ZBTB44: variants seen among roughly 807,000 people sequenced by gnomAD.
The protein encoded by ZBTB44 is zinc finger and BTB domain containing 44, also known as zinc finger and BTB domain-containing protein 44.
ZBTB44 carries 15 observed loss-of-function variants against 54.0 expected under a neutral mutation model. The observed-to-expected ratio is 0.28, with a 90% confidence interval of 0.19 to 0.43. The LOEUF (loss-of-function observed/expected upper bound fraction) is 0.43, where lower values mean the gene tolerates loss of function less well. Ranked by LOEUF, ZBTB44 falls within the 20% of genes least tolerant of loss-of-function variation. The pLI is 1.00. For synonymous variants in ZBTB44, 230 were observed against 250.1 expected, an observed-to-expected ratio of 0.92 and a Z score of 0.76; for missense variants, 487 against 707.1, an observed-to-expected ratio of 0.69 and a Z score of 3.53.
At position 130,230,912 on chromosome 11, in the gene ZBTB44, T is replaced by TA. The variant is rs1565638633; in HGVS notation, c.*851dup. ...AAGTACATCACACCTATTTGGTAGT[T>TA]AAAAAACTGAAAATAAAAGCTTGTA... On this transcript the variant is annotated 3_prime_UTR_variant, in exon 8 of 8. Transcript: ENST00000357899. 6.6e-6 allele frequency: 1 copy of TA among 152,078 alleles called. No individual in the cohort carries two copies. The highest frequency in any genetic ancestry group is 1.5e-5 in the Non-Finnish European group (1 of 67,940). 9.4% of individuals were successfully genotyped at this position (152,078 alleles called of 1,614,324 possible).
intron 1 of ZBTB44, among the ~76,000 whole-genome samples, chr11:130,271,393 T>G (rs1358208674): frequency 6.6e-6 from 1 of 152,172 alleles, no homozygotes; most frequent in Non-Finnish European, 1.5e-5. Flanking sequence ...TCTCAGGCAG[T>G]AAATGCCTTC....
chr11:130,283,035 C>CTTTTTTTTT (rs531030883), intron 1 of ZBTB44, among the ~76,000 whole-genome samples: 10 of 102,416 alleles, frequency 9.8e-5, no homozygotes, highest in Non-Finnish European at 1.7e-4. Flanking sequence ...CCATTCTAAC[C>CTTTTTTTTT]TTTTTTTTTT....
intron 2 of ZBTB44, among the ~76,000 whole-genome samples, chr11:130,249,010 A>T (rs1328477815): frequency 6.6e-6 from 1 of 152,174 alleles, no homozygotes; most frequent in Non-Finnish European, 1.5e-5. Flanking sequence ...AGGCTGAGGC[A>T]GGAGAATTGC....
At chr11:130,287,093 C>G (rs1941012975) in intron 1 of ZBTB44, among the ~76,000 whole-genome samples, 1 of 152,164 alleles carries the variant, frequency 6.6e-6, no homozygotes, top group African/African-American at 2.4e-5. Context: ...AAAACAAACT[C>G]AAATTATTAC....
At chr11:130,275,529 G>C (rs1489537982) in intron 1 of ZBTB44, among the ~76,000 whole-genome samples, 2 of 151,960 alleles carry the variant, frequency 1.3e-5, no homozygotes, top group Non-Finnish European at 2.9e-5. Flanking sequence ...TGATCTGTTG[G>C]TTATTTAGGA....
At chr11:130,244,674 AAAAAAAAAAAAAG>A in intron 2 of ZBTB44, among the ~76,000 whole-genome samples, 1 of 138,414 alleles carries the variant, frequency 7.2e-6, no homozygotes, top group Non-Finnish European at 1.7e-5. Flanking sequence ...CTGGAAAAAA[AAAAAAAAAAAAAG>A]AAAGAAAATG....
intron 1 of ZBTB44, among the ~76,000 whole-genome samples, chr11:130,282,430 G>C (rs1414722331): frequency 1.3e-5 from 2 of 152,226 alleles, no homozygotes; most frequent in African/African-American, 2.4e-5. Context: ...ACATAGCGAA[G>C]TGTTCTCAAG....
At chr11:130,282,017 C>T (rs992668856) in intron 1 of ZBTB44, among the ~76,000 whole-genome samples, 1 of 152,192 alleles carries the variant, frequency 6.6e-6, no homozygotes, top group Admixed American at 6.5e-5. Flanking sequence ...TGCCACCACA[C>T]TCCAGCCTGG....
intron 1 of ZBTB44, among the ~76,000 whole-genome samples, chr11:130,303,035 A>C (rs1942069603): frequency 6.6e-6 from 1 of 152,220 alleles, no homozygotes; most frequent in African/African-American, 2.4e-5. Flanking sequence ...TAAGTCCCTG[A>C]AAAACTTATT....
chr11:130,245,529 A>G (rs1954603597), intron 2 of ZBTB44, among the ~76,000 whole-genome samples: 1 of 152,220 alleles, frequency 6.6e-6, no homozygotes, highest in African/African-American at 2.4e-5. Context: ...AGACAGTATT[A>G]AAGCGTACAG....
intron 2 of ZBTB44, among the ~76,000 whole-genome samples, chr11:130,244,371 T>G (rs1378301986): frequency 6.6e-6 from 1 of 152,030 alleles, no homozygotes; most frequent in Non-Finnish European, 1.5e-5. Flanking sequence ...AATATTTTAA[T>G]GAAAATGAAA....
chr11:130,227,529 C>G lies in ZBTB44; in HGVS notation c.*4235G>C, dbSNP rs1425658250. The stretch of plus-strand genomic sequence containing the variant: ...CTATAACTGGCAGGGTAAAAAAGTC[C>G]CCCCGCCCCGACTTCCTTGCTGCCG... On this transcript the variant is annotated 3_prime_UTR_variant, in exon 8 of 8. Transcript: ENST00000357899. 6.6e-6 allele frequency: 1 copy of G among 152,118 alleles called. No individual in the cohort carries two copies. The highest frequency in any genetic ancestry group is 1.9e-4 in the East Asian group (1 of 5,198). The allele number at this position is 152,118 out of a possible 1,614,324, so 9.4% of individuals were successfully genotyped here.
At chr11:130,280,618 A>G (rs1940431415) in intron 1 of ZBTB44, among the ~76,000 whole-genome samples, 2 of 152,226 alleles carry the variant, frequency 1.3e-5, no homozygotes, top group South Asian at 4.1e-4. Flanking sequence ...CTATGCAGTA[A>G]CAGAAGAATA....
chr11:130,307,352 G>GC (rs1565341098), intron 1 of ZBTB44, among the ~76,000 whole-genome samples: 1 of 151,740 alleles, frequency 6.6e-6, no homozygotes, highest in Non-Finnish European at 1.5e-5. Flanking sequence ...GTGAACCCAG[G>GC]GGATGAAGCT....
At chr11:130,255,655 C>A (rs1439786033) in intron 2 of ZBTB44, among the ~76,000 whole-genome samples, 2 of 151,736 alleles carry the variant, frequency 1.3e-5, no homozygotes, top group Non-Finnish European at 2.9e-5. Flanking sequence ...GACTGCTAAC[C>A]AGATTAATAA....
chr11:130,314,154 G>A (rs1481686764), intron 1 of ZBTB44, among the ~76,000 whole-genome samples: 2 of 152,170 alleles, frequency 1.3e-5, no homozygotes, highest in African/African-American at 4.8e-5. Flanking sequence ...GGAAGGTCGG[G>A]GTAACTGCTC....
Position 130,234,209 on chromosome 11 carries a change from C to G in ZBTB44, c.1633G>C (p.Gly545Arg). 2.6e-6 allele frequency: 4 copies of G among 1,525,064 alleles called. No homozygotes were observed. The South Asian group carries it at 5.0e-5, about 19-fold the overall frequency. The allele number at this position is 1,525,064 out of a possible 1,614,324, so 94.5% of individuals were successfully genotyped here. ...GAGTTGCTTTCAAAACCGTGTTCTC[C>G]AAGATCATATTGAACAAGGGTCTCT... ...QEETLVQYDL[G>R]EHGFESNSSV... Residue 545 changes from glycine (G) to arginine (R), a missense_variant, in exon 6 of 8, where the codon GGA (glycine) becomes CGA (arginine). Physicochemically the swap from Gly to Arg is moderately radical, Grantham distance 125. Around this residue, in one of 3 missense-constraint regions of ZBTB44, gnomAD observed 120 missense variants for 240.3 expected, o/e 0.50. Transcript: ENST00000357899.
At chr11:130,256,502 C>A (rs1013390837) in intron 2 of ZBTB44, among the ~76,000 whole-genome samples, 1 of 151,998 alleles carries the variant, frequency 6.6e-6, no homozygotes, top group African/African-American at 2.4e-5. Context: ...ATGGTGAAAT[C>A]CCATCTCTAC....
intron 1 of ZBTB44, among the ~76,000 whole-genome samples, chr11:130,277,159 G>C (rs6590451): frequency 0.064 from 9,770 of 152,198 alleles, 752 homozygotes; most frequent in African/African-American, 0.18. Context: ...AGATTCAAAC[G>C]TGCAATTCTA....
Sources: gnomAD v4.1 joint callset for allele counts (sites outside exome capture counted in the v4.1 genomes callset) on GRCh38, gnomAD v4.1.1 for gene constraint, gnomAD v4.1.1 regional missense constraint, MANE v1.5 for transcripts, NCBI Gene and HGNC (gene_info 2026-07-23, HGNC 2026-07-21) for gene names.